The following LAMA2 variants were observed in gnomAD, a reference collection of about 807,000 sequenced individuals.
The protein encoded by LAMA2 is laminin subunit alpha 2, also known as laminin subunit alpha-2.
Under a neutral mutation model 364.8 loss-of-function variants are expected in LAMA2, and 269 were observed. That is an observed-to-expected ratio of 0.74 (90% confidence interval 0.67 to 0.82). LAMA2 has a LOEUF of 0.82. LAMA2 is among the 40% of genes least tolerant of loss of function. The probability of loss-of-function intolerance (pLI) is 0.00; values close to 1 mark genes in which losing one functional copy is unlikely to be tolerated. For synonymous variants in LAMA2, 1,379 were observed against 1,370.6 expected, an observed-to-expected ratio of 1.01 and a Z score of -0.14; for missense variants, 3,807 against 3,873.2, an observed-to-expected ratio of 0.98 and a Z score of 0.45.
intron 1 of LAMA2, among the ~76,000 whole-genome samples, chr6:128,973,388 C>T (rs1306358917): frequency 1.3e-5 from 2 of 152,026 alleles, no homozygotes; most frequent in Non-Finnish European, 2.9e-5. Context: ...TGCCAGGATC[C>T]TTATAATCCT....
intron 46 of LAMA2, 41 bp downstream of exon 46, chr6:129,453,172 G>A (rs370561771): frequency 7.4e-5 from 115 of 1,560,838 alleles, no homozygotes; most frequent in Non-Finnish European, 1.0e-4. Flanking sequence ...TGCTGTATGT[G>A]TATAGCTAGA....
chr6:129,266,982 T>C, intron 15 of LAMA2, 124 bp from the exon 16 acceptor site: 1 of 765,976 alleles, frequency 1.3e-6, no homozygotes, highest in South Asian at 1.4e-5. Context: ...GGCAATGCTT[T>C]GACAAGCACA....
chr6:129,509,258 C>G (rs894542264), intron 62 of LAMA2, among the ~76,000 whole-genome samples: 6 of 152,044 alleles, frequency 3.9e-5, no homozygotes, highest in Non-Finnish European at 7.4e-5. Flanking sequence ...TTATTAATCC[C>G]TTCTCAGATG....
rs576037725 is a variant in LAMA2, at chr6:129,253,539, G to A, written c.2096+1244G>A. 3.4e-4 allele frequency among the ~76,000 whole-genome samples: 52 copies of A among 152,326 alleles called. No individual in the cohort carries two copies. In the Middle Eastern group the frequency reaches 0.014, roughly 40 times the overall value. ...CATAGGCAATTCTTCTAGAAGCTGG[G>A]TTAAAATGCCATGGAGATGAGAAGC... On this transcript the variant is annotated intron_variant, in intron 14 of 64. Coordinates refer to ENST00000421865, the MANE Select transcript of LAMA2 (RefSeq NM_000426.4).
intron 16 of LAMA2, among the ~76,000 whole-genome samples, chr6:129,268,238 GC>G (rs1787648235): frequency 6.6e-6 from 1 of 152,042 alleles, no homozygotes; most frequent in Admixed American, 6.6e-5. Context: ...AAGCATGAGA[GC>G]CTTAATTTGT....
At chr6:129,249,508 ATAT>A (rs769499427) in intron 12 of LAMA2, among the ~76,000 whole-genome samples, 1 of 152,216 alleles carries the variant, frequency 6.6e-6, no homozygotes, top group Non-Finnish European at 1.5e-5. Context: ...AAAGAGGATA[ATAT>A]TTATTCAAAC....
intron 12 of LAMA2, among the ~76,000 whole-genome samples, chr6:129,203,936 A>G (rs1583243223): frequency 2.0e-5 from 3 of 152,320 alleles, no homozygotes; most frequent in Non-Finnish European, 1.5e-5. Context: ...GCTGTCCGAT[A>G]AATGCCAATT....
At chr6:129,448,042 C>T (rs79292623) in intron 45 of LAMA2, among the ~76,000 whole-genome samples, 23,193 of 152,080 alleles carry the variant, frequency 0.15, 1,854 homozygotes, top group East Asian at 0.21. Flanking sequence ...CATCCCAACA[C>T]TTTGGGAGGC....
intron 1 of LAMA2, among the ~76,000 whole-genome samples, chr6:129,038,419 C>T (rs1209086654): frequency 6.6e-6 from 1 of 152,120 alleles, no homozygotes; most frequent in South Asian, 2.1e-4. Flanking sequence ...CAGGAACCAC[C>T]AATACTATTT....
At chr6:128,997,682 C>A (rs1220719814) in intron 1 of LAMA2, among the ~76,000 whole-genome samples, 1 of 152,122 alleles carries the variant, frequency 6.6e-6, no homozygotes, top group African/African-American at 2.4e-5. Flanking sequence ...ATACTCCCAG[C>A]TACTCGGGAG....
chr6:129,275,589 A>T (rs147759598), intron 17 of LAMA2, among the ~76,000 whole-genome samples: 244 of 152,156 alleles, frequency 1.6e-3, no homozygotes, highest in Non-Finnish European at 3.0e-3. Context: ...TATGCTACAT[A>T]GTTACAGTTA....
At chr6:129,136,233 G>A (rs1393212404) in intron 4 of LAMA2, among the ~76,000 whole-genome samples, 2 of 152,166 alleles carry the variant, frequency 1.3e-5, no homozygotes, top group African/African-American at 4.8e-5. Flanking sequence ...AGCTCATCTT[G>A]AGTAAGGGGC....
chr6:128,888,563 A>C (rs1343527776), intron 1 of LAMA2, among the ~76,000 whole-genome samples: 2 of 152,192 alleles, frequency 1.3e-5, no homozygotes, highest in African/African-American at 2.4e-5. Flanking sequence ...AGGTTGGTAA[A>C]GGTTGACCTC....
intron 9 of LAMA2, among the ~76,000 whole-genome samples, chr6:129,168,338 T>C (rs1779899046): frequency 6.6e-6 from 1 of 151,526 alleles, no homozygotes; most frequent in Admixed American, 6.6e-5. Flanking sequence ...AATTGATTTT[T>C]GTATAAGGTG....
At chr6:129,147,131 G>A (rs756065241) in intron 6 of LAMA2, 83 bp downstream of exon 6, 154 of 891,026 alleles carry the variant, frequency 1.7e-4, no homozygotes, top group Non-Finnish European at 2.8e-4. Context: ...GACAGAGAAC[G>A]CTGTAAATGG....
At chr6:128,888,889 C>T (rs886932887) in intron 1 of LAMA2, among the ~76,000 whole-genome samples, 1 of 152,120 alleles carries the variant, frequency 6.6e-6, no homozygotes, top group Admixed American at 6.5e-5. Context: ...ACCAACAGTC[C>T]AAGCATAGAA....
intron 62 of LAMA2, among the ~76,000 whole-genome samples, 162 bp from the exon 63 acceptor site, chr6:129,512,201 G>A (rs1471994571): frequency 1.3e-5 from 2 of 152,152 alleles, no homozygotes; most frequent in African/African-American, 2.4e-5. Flanking sequence ...GTTACATGAT[G>A]CAGTGGTGGA....
At chr6:129,088,805 G>A (rs1374808866) in intron 3 of LAMA2, among the ~76,000 whole-genome samples, 1 of 151,992 alleles carries the variant, frequency 6.6e-6, no homozygotes, top group Non-Finnish European at 1.5e-5. Context: ...TGGCGGTCCG[G>A]AAGAGGCACT....
At chr6:129,229,132 A>C (rs997755781) in intron 12 of LAMA2, among the ~76,000 whole-genome samples, 1 of 152,218 alleles carries the variant, frequency 6.6e-6, no homozygotes, top group Non-Finnish European at 1.5e-5. Context: ...TGAAGCTTAC[A>C]TTCTAGTTAG....
Sources: allele counts gnomAD v4.1 joint callset (sites outside exome capture counted in the v4.1 genomes callset), GRCh38; gene constraint gnomAD v4.1.1; transcripts MANE v1.5; gene names NCBI Gene and HGNC (gene_info 2026-07-23, HGNC 2026-07-21).